The following PCDH11X variants were observed in gnomAD, a reference collection of about 807,000 sequenced individuals.
The protein encoded by PCDH11X is protocadherin 11 X-linked.
Under a neutral mutation model 53.3 loss-of-function variants are expected in PCDH11X, and 18 were observed. The ratio of observed to expected loss-of-function variants is 0.34; its 90% CI spans 0.23 to 0.50. The LOEUF is 0.50. Ranked by LOEUF, PCDH11X falls within the 20% of genes least tolerant of loss-of-function variation. The pLI is 0.98. For missense variants in PCDH11X, 570 were observed against 1,032.4 expected, an observed-to-expected ratio of 0.55 and a Z score of 6.14; for synonymous variants, 279 against 393.3, an observed-to-expected ratio of 0.71 and a Z score of 3.44.
chrX:92,076,878 C>T (rs1037859205), intron 6 of PCDH11X, among the ~76,000 whole-genome samples: 13 of 112,009 alleles, frequency 1.2e-4, no homozygotes, highest in Non-Finnish European at 2.4e-4. Context: ...CTCTTAAACA[C>T]TAATTTAGAC....
chrX:92,206,291 G>A lies in PCDH11X; in HGVS notation c.3114+4836G>A, dbSNP rs766465076. On this transcript the variant is annotated intron_variant, in intron 7 of 10. Coordinates refer to ENST00000682573, the MANE Select transcript of PCDH11X (RefSeq NM_032968.5). Reference sequence around the variant, plus strand: ...CTTATTTCATGAATAAACTTTTATGGTTTCTTATGAAATATCTTATTTTTA... The same window carrying A: ...CTTATTTCATGAATAAACTTTTATGATTTCTTATGAAATATCTTATTTTTA... Among the ~76,000 whole-genome samples the A allele has an allele frequency of 1.7e-4, 19 of 111,391 alleles. No individual in the cohort carries two copies. The East Asian group carries it at 4.8e-3, about 28-fold the overall frequency.
At chrX:92,067,669 G>A (rs531756380) in intron 6 of PCDH11X, among the ~76,000 whole-genome samples, 2 of 107,162 alleles carry the variant, frequency 1.9e-5, no homozygotes, top group African/African-American at 3.7e-5. Context: ...GGGTAATACC[G>A]GCCATGTTGA....
At chrX:92,245,089 G>C (rs1202313570) in intron 7 of PCDH11X, among the ~76,000 whole-genome samples, 1 of 112,391 alleles carries the variant, frequency 8.9e-6, no homozygotes, top group African/African-American at 3.2e-5. Context: ...CTATATGATA[G>C]ATTCACAAAG....
At chrX:91,825,050 A>G (rs1008285773) in intron 4 of PCDH11X, among the ~76,000 whole-genome samples, 2 of 111,146 alleles carry the variant, frequency 1.8e-5, no homozygotes, top group Non-Finnish European at 3.8e-5. Flanking sequence ...CTCCAACTGC[A>G]TACTGGGAGA....
chrX:92,269,641 T>C (rs758928471), intron 8 of PCDH11X, among the ~76,000 whole-genome samples: 1 of 111,368 alleles, frequency 9.0e-6, no homozygotes, highest in South Asian at 3.8e-4. Context: ...AATATCTAGC[T>C]CTTTAGTCCC....
intron 6 of PCDH11X, among the ~76,000 whole-genome samples, chrX:91,995,234 A>C (rs2062395330): frequency 9.3e-6 from 1 of 107,731 alleles, no homozygotes; most frequent in Non-Finnish European, 1.9e-5. Context: ...AAAAACAAAA[A>C]AACAAACAAA....
chrX:92,559,656 T>G (rs1215582897), intron 10 of PCDH11X, among the ~76,000 whole-genome samples: 1 of 111,084 alleles, frequency 9.0e-6, no homozygotes, highest in Non-Finnish European at 1.9e-5. Flanking sequence ...GGAGGAATAT[T>G]GCAGTGACTG....
At chrX:92,047,514 T>C (rs1569326214) in intron 6 of PCDH11X, among the ~76,000 whole-genome samples, 1 of 101,869 alleles carries the variant, frequency 9.8e-6, no homozygotes, top group Non-Finnish European at 2.0e-5. Context: ...TGCTTAGCTA[T>C]ATTTAAACTT....
chrX:92,131,952 A>T (rs1414779018), intron 6 of PCDH11X, among the ~76,000 whole-genome samples: 1 of 108,500 alleles, frequency 9.2e-6, no homozygotes, highest in African/African-American at 3.4e-5. Context: ...CCTTTGTATA[A>T]GGGCACTGGC....
chrX:91,829,908 T>C lies in PCDH11X; in HGVS notation c.-44-5553T>C, dbSNP rs377204711. Among the ~76,000 whole-genome samples, 23 of 111,091 alleles carry C rather than the reference T, an allele frequency of 2.1e-4. No homozygotes were observed. In the East Asian group the frequency reaches 2.5e-3, roughly 12 times the overall value. On this transcript the variant is annotated intron_variant, in intron 4 of 10. Transcript: ENST00000682573. Reference sequence around the variant, plus strand: ...TGATGAATTTAGGACTTATTTATTATGATAATCTGGTACTTGTTGACAAAG... The same window carrying C: ...TGATGAATTTAGGACTTATTTATTACGATAATCTGGTACTTGTTGACAAAG...
At chrX:92,381,367 C>G (rs746698077) in intron 8 of PCDH11X, among the ~76,000 whole-genome samples, 3 of 111,192 alleles carry the variant, frequency 2.7e-5, no homozygotes, top group East Asian at 5.6e-4. Flanking sequence ...AAAGATGAAA[C>G]AAACATGTTT....
chrX:91,982,138 G>A (rs915070175), intron 6 of PCDH11X, among the ~76,000 whole-genome samples: 1 of 110,797 alleles, frequency 9.0e-6, no homozygotes, highest in Admixed American at 9.6e-5. Context: ...TGGCACAAAA[G>A]AAAGAGTGAC....
intron 10 of PCDH11X, among the ~76,000 whole-genome samples, chrX:92,475,287 C>T (rs1603339629): frequency 2.0e-5 from 2 of 99,385 alleles, no homozygotes; most frequent in Non-Finnish European, 4.0e-5. Flanking sequence ...TGTATGAATT[C>T]TTGTTGCTCA....
At chrX:92,553,381 C>T (rs1430624572) in intron 10 of PCDH11X, among the ~76,000 whole-genome samples, 1 of 109,159 alleles carries the variant, frequency 9.2e-6, no homozygotes, top group Non-Finnish European at 1.9e-5. Context: ...CTCATAGTAG[C>T]CACTAATGAC....
intron 10 of PCDH11X, among the ~76,000 whole-genome samples, chrX:92,545,398 T>G (rs1482584696): frequency 1.1e-5 from 1 of 90,209 alleles, no homozygotes; most frequent in African/African-American, 4.0e-5. Context: ...TTTTTTTTTT[T>G]TTTTTTTTTT....
intron 6 of PCDH11X, among the ~76,000 whole-genome samples, chrX:92,008,228 G>A (rs765335378): frequency 5.5e-4 from 61 of 110,524 alleles, no homozygotes; most frequent in African/African-American, 1.7e-3. Flanking sequence ...TCACATACAC[G>A]TTGCAATTCT....
intron 6 of PCDH11X, among the ~76,000 whole-genome samples, chrX:92,007,664 A>G (rs968724548): frequency 9.0e-6 from 1 of 111,540 alleles, no homozygotes; most frequent in African/African-American, 3.3e-5. Context: ...CTGGTACCTC[A>G]GATGCAAGAC....
chrX:92,348,696 CCAGT>C (rs1404232742), intron 8 of PCDH11X, among the ~76,000 whole-genome samples: 1 of 108,554 alleles, frequency 9.2e-6, no homozygotes, highest in Non-Finnish European at 1.9e-5. Context: ...ACTGCCACGC[CCAGT>C]CAATTTTGTA....
At chrX:92,475,337 T>G (rs1411824050) in intron 10 of PCDH11X, among the ~76,000 whole-genome samples, 1 of 111,153 alleles carries the variant, frequency 9.0e-6, no homozygotes, top group Non-Finnish European at 1.9e-5. Context: ...CTCTCTTTAG[T>G]ATTTCCTGAA....
Sources: allele counts gnomAD v4.1 joint callset (sites outside exome capture counted in the v4.1 genomes callset), GRCh38; gene constraint gnomAD v4.1.1; transcripts MANE v1.5; gene names NCBI Gene and HGNC (gene_info 2026-07-23, HGNC 2026-07-21).